LRRIQ3: variants seen among roughly 807,000 people sequenced by gnomAD.
LRRIQ3 encodes leucine-rich repeat and IQ domain-containing protein 3.
A neutral mutation model predicts 59.3 loss-of-function variants in LRRIQ3; 75 were observed. The observed-to-expected ratio is 1.26, with a 90% CI of 1.05 to 1.53. The LOEUF is 1.53. Among genes scored for constraint, LRRIQ3 ranks in the 40% most tolerant of loss-of-function variants. LRRIQ3 has a pLI of 0.00. For synonymous variants in LRRIQ3, 250 were observed against 231.3 expected (o/e 1.08, Z -0.73); for missense variants, 831 against 710.0 (o/e 1.17, Z -1.94).
intron 7 of LRRIQ3, among the ~76,000 whole-genome samples, chr1:74,032,669 G>A (rs200795145): frequency 1.3e-5 from 2 of 152,006 alleles, no homozygotes; most frequent in South Asian, 2.1e-4. Context: ...ATTTCCTTAT[G>A]TTAAGGTTAA....
At chr1:74,169,632 G>A (rs190510800) in intron 3 of LRRIQ3, among the ~76,000 whole-genome samples, 3 of 152,116 alleles carry the variant, frequency 2.0e-5, no homozygotes, top group African/African-American at 7.2e-5. Flanking sequence ...GCTCATTGCA[G>A]CCTCAAACTC....
intron 4 of LRRIQ3, among the ~76,000 whole-genome samples, chr1:74,117,925 G>C (rs540737308): frequency 6.6e-6 from 1 of 151,512 alleles, no homozygotes; most frequent in Non-Finnish European, 1.5e-5. Context: ...AATTTACAGG[G>C]TTTTGTCCCT....
intron 3 of LRRIQ3, among the ~76,000 whole-genome samples, chr1:74,157,131 C>T (rs1317970040): frequency 6.6e-6 from 1 of 152,086 alleles, no homozygotes. Context: ...CTATTCCCAA[C>T]ATTAGCTACT....
In LRRIQ3 at chr1:74,173,331, ATCTTT is replaced by A. The variant is rs367666090; in HGVS notation, c.573+9202_573+9206del. On this transcript the variant is annotated intron_variant, in intron 3 of 7. Coordinates refer to ENST00000354431, the MANE Select transcript of LRRIQ3 (RefSeq NM_001105659.2). ...AAAAAAATCCATTCACTCCCTCCTT[ATCTTT>A]TAACTGGTGAGTTTAATCCATTTAC... is the stretch of plus-strand genomic sequence containing the variant. Among the ~76,000 whole-genome samples the A allele has an allele frequency of 2.0e-3, 301 of 150,156 alleles. 3 individuals carry two copies. The highest frequency in any genetic ancestry group is 6.6e-3 in the African/African-American group (270 of 41,114).
chr1:74,144,970 A>G (rs1448564458), intron 4 of LRRIQ3, among the ~76,000 whole-genome samples: 1 of 152,068 alleles, frequency 6.6e-6, no homozygotes, highest in Non-Finnish European at 1.5e-5. Context: ...TTTTACCTAC[A>G]GAAATATTAT....
At position 74,194,431 on chromosome 1, in the gene LRRIQ3, T is replaced by C. The variant is rs556725268; in HGVS notation, c.-1+3565A>G. Among the ~76,000 whole-genome samples, 3 of 152,310 alleles carry C rather than the reference T, an allele frequency of 2.0e-5. No homozygotes were observed. The East Asian group carries it at 5.8e-4, about 29-fold the overall frequency. On this transcript the variant is annotated intron_variant, in intron 1 of 7. Coordinates refer to ENST00000354431, the MANE Select transcript of LRRIQ3 (RefSeq NM_001105659.2). ...TTTTCATGGCATATTCTATATGTTT[T>C]CAAATGACATGAAAAGTCATTCAGA...
At chr1:74,069,095 C>G (rs1433239954) in intron 6 of LRRIQ3, among the ~76,000 whole-genome samples, 1 of 152,036 alleles carries the variant, frequency 6.6e-6, no homozygotes. Flanking sequence ...AATAATTAAA[C>G]TTTTGACCTT....
At chr1:74,050,848 T>C (rs950670045) in intron 6 of LRRIQ3, among the ~76,000 whole-genome samples, 4 of 152,228 alleles carry the variant, frequency 2.6e-5, no homozygotes, top group Admixed American at 6.6e-5. Flanking sequence ...AGTTCACTTA[T>C]AGCAATGGTT....
chr1:74,035,319 G>A (rs1263000049), intron 7 of LRRIQ3, among the ~76,000 whole-genome samples: 1 of 152,008 alleles, frequency 6.6e-6, no homozygotes, highest in East Asian at 1.9e-4. Flanking sequence ...TATATAGATA[G>A]ATAAATGTTC....
Position 74,026,217 on chromosome 1 carries a change from T to C in LRRIQ3, c.*596A>G, listed in dbSNP as rs1413220845. On this transcript the variant is annotated 3_prime_UTR_variant, in exon 8 of 8. Transcript: ENST00000354431. ...AGGGCAAACCCATCAAAAGTAAATA[T>C]ACAAAAATCTTACAGTCTTCAAGGA... is the stretch of plus-strand genomic sequence containing the variant. The C allele has an allele frequency of 6.6e-6, 1 of 152,140 alleles. No individual in the cohort carries two copies. Among genetic ancestry groups the C allele is most frequent in the Non-Finnish European group, 1.5e-5 (1 of 67,948 alleles). 9.4% of individuals were successfully genotyped at this position (152,140 alleles called of 1,614,324 possible). A position where few individuals can be genotyped will look rare whatever the true frequency, so the allele number is the denominator to read the frequency against.
At chr1:74,117,888 A>T (rs1030999245) in intron 4 of LRRIQ3, among the ~76,000 whole-genome samples, 9 of 152,180 alleles carry the variant, frequency 5.9e-5, no homozygotes, top group Non-Finnish European at 1.3e-4. Flanking sequence ...TTATAAAGAC[A>T]TTATAATGGA....
chr1:74,109,066 T>A (rs1396132737), intron 5 of LRRIQ3, among the ~76,000 whole-genome samples: 1 of 151,680 alleles, frequency 6.6e-6, no homozygotes, highest in African/African-American at 2.4e-5. Flanking sequence ...GAGTTCCCAC[T>A]CTTTAATAAA....
At chr1:74,132,971 A>G (rs1647051364) in intron 4 of LRRIQ3, among the ~76,000 whole-genome samples, 1 of 152,166 alleles carries the variant, frequency 6.6e-6, no homozygotes, top group Non-Finnish European at 1.5e-5. Flanking sequence ...CTCATCTGAC[A>G]ATGGGCTAAT....
In LRRIQ3 at chr1:74,041,928, C is replaced by T; in HGVS notation, c.1003G>A (p.Glu335Lys). The change falls in exon 7 of 8, where the codon GAG becomes AAG. Residue 335 changes from glutamate to lysine, a missense_variant. Physicochemically the swap from Glu to Lys is moderately conservative, Grantham distance 56. Transcript: ENST00000354431. ...TCATCCACAATTTCATCTTCAGACT[C>T]CTGACCTACATCAAACAGAAGCAAA... Reference protein sequence around the residue: ...TSRHLIQKGQESEDEIVDEKL... With the variant: ...TSRHLIQKGQKSEDEIVDEKL... 6.3e-7 allele frequency: 1 copy of T among 1,595,414 alleles called. No individual in the cohort carries two copies.
rs143107954 is a variant in LRRIQ3, at chr1:74,099,131, A to C, written c.867+10263T>G. Among the ~76,000 whole-genome samples, 388 of 152,254 alleles carry C rather than the reference A, an allele frequency of 2.5e-3. 2 individuals carry two copies. Among genetic ancestry groups the C allele is most frequent in the African/African-American group, 9.1e-3 (377 of 41,560 alleles). ...TGAATTCAGGAGCTGGTTTTTTGAA[A>C]AGATCAATAAAATTGATAGACCACT... On this transcript the variant is annotated intron_variant, in intron 5 of 7. Coordinates refer to ENST00000354431, the MANE Select transcript of LRRIQ3 (RefSeq NM_001105659.2).
At chr1:74,151,804 T>C (rs1216192259) in intron 4 of LRRIQ3, among the ~76,000 whole-genome samples, 1 of 151,818 alleles carries the variant, frequency 6.6e-6, no homozygotes, top group Non-Finnish European at 1.5e-5. Context: ...GAGCAAAATA[T>C]CCACATTAAC....
At chr1:74,185,498 T>C (rs1417201455) in intron 1 of LRRIQ3, among the ~76,000 whole-genome samples, 2 of 152,190 alleles carry the variant, frequency 1.3e-5, no homozygotes, top group African/African-American at 4.8e-5. Flanking sequence ...GATTGTGGTA[T>C]TGTGTTATTG....
At position 74,100,626 on chromosome 1, in the gene LRRIQ3, C is replaced by T. The variant is rs529276816; in HGVS notation, c.867+8768G>A. 9.9e-5 allele frequency among the ~76,000 whole-genome samples: 15 copies of T among 152,244 alleles called. 1 individual carries two copies. The East Asian group carries it at 2.9e-3, about 29-fold the overall frequency. ...ACAATCCTAAGCCAAAAGAACAAAG[C>T]CGGAGGCATCATGCTACCTGACTTC... On this transcript the variant is annotated intron_variant, in intron 5 of 7. Coordinates refer to ENST00000354431, the MANE Select transcript of LRRIQ3 (RefSeq NM_001105659.2).
intron 1 of LRRIQ3, among the ~76,000 whole-genome samples, chr1:74,184,433 G>C (rs1332596973): frequency 6.6e-6 from 1 of 152,138 alleles, no homozygotes; most frequent in African/African-American, 2.4e-5. Flanking sequence ...GAATGTATGA[G>C]CTGAAGTGGT....
Sources: gnomAD v4.1 joint callset for allele counts (sites outside exome capture counted in the v4.1 genomes callset) on GRCh38, gnomAD v4.1.1 for gene constraint, MANE v1.5 for transcripts, NCBI Gene and HGNC (gene_info 2026-07-23, HGNC 2026-07-21) for gene names.